The following NALF1 variants were observed in gnomAD, a reference collection of about 807,000 sequenced individuals.
NALF1 encodes the protein NALCN channel auxiliary factor 1.
NALF1 carries 3 observed loss-of-function variants against 48.4 expected under a neutral mutation model. That is an observed-to-expected ratio of 0.06 (90% CI 0.03 to 0.16). The LOEUF is 0.16. NALF1 is among the 10% of genes least tolerant of loss of function. NALF1 has a pLI of 1.00. For synonymous variants in NALF1, 262 were observed against 245.7 expected (o/e 1.07, Z -0.62); for missense variants, 526 against 571.5 (o/e 0.92, Z 0.81).
chr13:107,645,493 T>C (rs1210583145), intron 1 of NALF1, among the ~76,000 whole-genome samples: 8 of 152,110 alleles, frequency 5.3e-5, no homozygotes, highest in Admixed American at 2.6e-4. Context: ...ACTCACCCAA[T>C]TGTTTTGGGT....
intron 1 of NALF1, among the ~76,000 whole-genome samples, chr13:107,759,726 T>C (rs9514733): frequency 0.082 from 12,542 of 152,104 alleles, 649 homozygotes; most frequent in East Asian, 0.18. Context: ...ATCCTCTCTG[T>C]TTGGAGCCTC....
chr13:107,329,214 C>A (rs1005014430), intron 1 of NALF1, among the ~76,000 whole-genome samples: 1 of 152,134 alleles, frequency 6.6e-6, no homozygotes, highest in Non-Finnish European at 1.5e-5. Flanking sequence ...TGAAAATATG[C>A]CTTCTGGAAT....
At chr13:107,534,406 T>TG (rs1437248304) in intron 1 of NALF1, among the ~76,000 whole-genome samples, 1 of 152,032 alleles carries the variant, frequency 6.6e-6, no homozygotes, top group East Asian at 1.9e-4. Context: ...AGGAGAGAGA[T>TG]GGGGAAAAGA....
intron 1 of NALF1, among the ~76,000 whole-genome samples, chr13:107,368,609 G>T (rs1416731905): frequency 6.6e-6 from 1 of 152,172 alleles, no homozygotes; most frequent in African/African-American, 2.4e-5. Flanking sequence ...CCACTTCACT[G>T]TAATCTCTGC....
intron 1 of NALF1, among the ~76,000 whole-genome samples, chr13:107,763,753 T>C (rs2138563715): frequency 6.6e-6 from 1 of 152,270 alleles, no homozygotes; most frequent in South Asian, 2.1e-4. Context: ...TTTACTGTTT[T>C]GTATCACTGA....
At chr13:107,183,116 G>A (rs1290917730) in intron 2 of NALF1, among the ~76,000 whole-genome samples, 2 of 152,100 alleles carry the variant, frequency 1.3e-5, no homozygotes, top group African/African-American at 4.8e-5. Flanking sequence ...GGCAGGCAAG[G>A]CCTTGCTGCT....
chr13:107,481,110 G>A (rs1477885170), intron 1 of NALF1, among the ~76,000 whole-genome samples: 1 of 152,138 alleles, frequency 6.6e-6, no homozygotes, highest in African/African-American at 2.4e-5. Flanking sequence ...TTTTGAGGAT[G>A]AAGATTTTTC....
chr13:107,392,099 C>A (rs1455667987), intron 1 of NALF1, among the ~76,000 whole-genome samples: 1 of 152,072 alleles, frequency 6.6e-6, no homozygotes, highest in South Asian at 2.1e-4. Context: ...TGTGACTGCT[C>A]CCTGCCTCTT....
chr13:107,466,226 G>A (rs916023042), intron 1 of NALF1: 2 of 152,218 alleles, frequency 1.3e-5, no homozygotes, highest in African/African-American at 4.8e-5. Flanking sequence ...CCCATGACAT[G>A]TGGAAATTGT....
chr13:107,416,870 A>G (rs1884098243), intron 1 of NALF1, among the ~76,000 whole-genome samples: 1 of 152,138 alleles, frequency 6.6e-6, no homozygotes, highest in Admixed American at 6.6e-5. Context: ...GCATTGCCCT[A>G]TTTCAACTCG....
chr13:107,195,419 A>G (rs1879369182), intron 2 of NALF1, among the ~76,000 whole-genome samples: 1 of 152,198 alleles, frequency 6.6e-6, no homozygotes, highest in African/African-American at 2.4e-5. Flanking sequence ...AACCTTCACC[A>G]TGGATTTCAT....
intron 1 of NALF1, among the ~76,000 whole-genome samples, chr13:107,518,635 A>G (rs1156956194): frequency 6.6e-6 from 1 of 152,174 alleles, no homozygotes; most frequent in Non-Finnish European, 1.5e-5. Flanking sequence ...GGTAAGGGAC[A>G]GTAGATACAC....
At chr13:107,346,369 G>A (rs975498165) in intron 1 of NALF1, among the ~76,000 whole-genome samples, 6 of 152,116 alleles carry the variant, frequency 3.9e-5, no homozygotes, top group African/African-American at 7.2e-5. Context: ...AGAGGCAGAC[G>A]CCACCTAAAT....
chr13:107,204,266 C>T (rs1395754260), intron 2 of NALF1, among the ~76,000 whole-genome samples: 1 of 152,208 alleles, frequency 6.6e-6, no homozygotes, highest in Admixed American at 6.5e-5. Context: ...CGTAAAACCT[C>T]ATTCTCCTCT....
chr13:107,465,224 C>T (rs1036464733), intron 1 of NALF1, among the ~76,000 whole-genome samples: 4 of 151,772 alleles, frequency 2.6e-5, no homozygotes, highest in Admixed American at 1.3e-4. Context: ...GGAAATGCTA[C>T]ATGGTCCCTT....
At chr13:107,807,245 A>G (rs567425280) in intron 1 of NALF1, among the ~76,000 whole-genome samples, 4 of 152,300 alleles carry the variant, frequency 2.6e-5, no homozygotes, top group Non-Finnish European at 4.4e-5. Flanking sequence ...AATATCTAAG[A>G]TATAATATGC....
chr13:107,476,042 T>A (rs1885172565), intron 1 of NALF1, among the ~76,000 whole-genome samples: 2 of 152,176 alleles, frequency 1.3e-5, no homozygotes, highest in Admixed American at 1.3e-4. Context: ...TATGTAAACA[T>A]CTATATTCTT....
At chr13:107,718,720 C>T (rs75287563) in intron 1 of NALF1, among the ~76,000 whole-genome samples, 2,317 of 152,266 alleles carry the variant, frequency 0.015, 40 homozygotes, top group African/African-American at 0.044. Flanking sequence ...TCAACAAATA[C>T]TTATTTCACC....
chr13:107,812,867 C>T (rs541570711), intron 1 of NALF1, among the ~76,000 whole-genome samples: 4 of 152,054 alleles, frequency 2.6e-5, no homozygotes, highest in Non-Finnish European at 5.9e-5. Context: ...GTGGTGTCAT[C>T]TTGGCTCACT....
Sources: allele counts gnomAD v4.1 joint callset (sites outside exome capture counted in the v4.1 genomes callset), GRCh38; gene constraint gnomAD v4.1.1; transcripts MANE v1.5; gene names NCBI Gene and HGNC (gene_info 2026-07-23, HGNC 2026-07-21).